Variants in NCF1 observed in about 807,000 individuals in gnomAD.
NCF1 encodes the protein neutrophil cytosolic factor 1.
A neutral mutation model predicts 34.9 loss-of-function variants in NCF1; 8 were observed. The ratio of observed to expected loss-of-function variants is 0.23; its 90% confidence interval spans 0.13 to 0.41. NCF1 has a LOEUF of 0.41. Among genes scored for constraint, NCF1 ranks in the 10% least tolerant of loss-of-function variants. NCF1 has a pLI of 1.00. For synonymous variants in NCF1, 57 were observed against 146.3 expected, an observed-to-expected ratio of 0.39 and a Z score of 4.41; for missense variants, 122 against 362.4, an observed-to-expected ratio of 0.34 and a Z score of 5.39.
At chr7:74,782,007 G>C (rs1315839242) in intron 5 of NCF1, among the ~76,000 whole-genome samples, 5 of 150,062 alleles carry the variant, frequency 3.3e-5, no homozygotes, top group Admixed American at 6.7e-5. Context: ...GAAGGCGGAT[G>C]TCAGCCAATA....
At chr7:74,777,460 C>A (rs1796493311) in intron 2 of NCF1, 113 bp downstream of exon 2, 2 of 863,622 alleles carry the variant, frequency 2.3e-6, no homozygotes, top group Non-Finnish European at 3.6e-6. Context: ...CCCTCCCAGA[C>A]CACAGTTAAA....
chr7:74,783,603 A>C lies in NCF1; in HGVS notation c.653A>C (p.Glu218Ala). Reference protein sequence around the residue: ...SFLEPLDSPDETEDPEPNYAG... With the variant: ...SFLEPLDSPDATEDPEPNYAG... ...CTCGAGCCCCTGGACAGTCCTGACG[A>C]GACGGAAGACCCTGAGCCCAACTAT... The change falls in exon 7 of 11, where the codon GAG becomes GCG. Residue 218 changes from glutamate (E) to alanine (A), a missense_variant. By Grantham distance (107) the Glu-to-Ala change is moderately radical. Transcript: ENST00000289473. 1 of 1,611,610 alleles carries C rather than the reference A, an allele frequency of 6.2e-7. No individual in the cohort carries two copies. Among genetic ancestry groups the C allele is most frequent in the Non-Finnish European group, 8.5e-7 (1 of 1,179,696 alleles).
chr7:74,788,621 C>G lies in NCF1; in HGVS notation c.968C>G (p.Ala323Gly). The change falls in exon 10 of 11, where the codon GCC becomes GGC. Residue 323 changes from alanine (A) to glycine (G), a missense_variant. Ala to Gly is a moderately conservative substitution (Grantham distance 60). Coordinates refer to ENST00000289473, the MANE Select transcript of NCF1 (RefSeq NM_000265.7). Reference sequence around the variant, plus strand: ...TCGCGGAAGCGCCTCAGCCAGGACGCCTATCGCCGCAACAGCGTCCGTTTT... The same window carrying G: ...TCGCGGAAGCGCCTCAGCCAGGACGGCTATCGCCGCAACAGCGTCCGTTTT... ...QRSRKRLSQDAYRRNSVRFLQ... is the reference protein window; with the variant it reads ...QRSRKRLSQDGYRRNSVRFLQ... 6.4e-7 allele frequency: 1 copy of G among 1,553,386 alleles called. No individual in the cohort carries two copies. The highest frequency in any genetic ancestry group is 8.7e-7 in the Non-Finnish European group (1 of 1,152,550).
At chr7:74,787,244 C>T (rs1277341844) in intron 8 of NCF1, among the ~76,000 whole-genome samples, 2 of 151,966 alleles carry the variant, frequency 1.3e-5, no homozygotes, top group Non-Finnish European at 2.9e-5. Context: ...TTGAGACCAG[C>T]CATGACCAAC....
chr7:74,777,245 C>T, intron 1 of NCF1, 22 bp from the exon 2 acceptor site: 1 of 1,611,712 alleles, frequency 6.2e-7, no homozygotes. Flanking sequence ...AATGGGGTCC[C>T]CCGACTCTGG....
intron 8 of NCF1, among the ~76,000 whole-genome samples, chr7:74,787,615 G>A (rs1362180087): frequency 6.6e-6 from 1 of 151,308 alleles, no homozygotes; most frequent in African/African-American, 2.4e-5. Flanking sequence ...TAGGGGTCTT[G>A]CTATGTTACC....
At chr7:74,787,215 A>C (rs1796690439) in intron 8 of NCF1, among the ~76,000 whole-genome samples, 1 of 152,018 alleles carries the variant, frequency 6.6e-6, no homozygotes, top group Admixed American at 6.6e-5. Context: ...AGGCAGGTGG[A>C]TCACTTGATG....
intron 1 of NCF1, among the ~76,000 whole-genome samples, chr7:74,776,002 A>C (rs1554412979): frequency 9.8e-6 from 1 of 102,460 alleles, no homozygotes; most frequent in East Asian, 3.1e-4. Context: ...GCTGGAGTGC[A>C]ATGGCACAAT....
At chr7:74,785,847 C>CA (rs1204238518) in intron 8 of NCF1, among the ~76,000 whole-genome samples, 26 of 139,064 alleles carry the variant, frequency 1.9e-4, no homozygotes, top group Non-Finnish European at 3.2e-4. Flanking sequence ...CGCGCCATTG[C>CA]ACTCCAGCCT....
In NCF1 at chr7:74,777,264, C is replaced by A. The variant is rs377305075; in HGVS notation, c.73-3C>A. 2.1e-4 allele frequency: 341 copies of A among 1,612,948 alleles called. 2 individuals carry two copies. The African/African-American group carries it at 4.1e-3, about 20-fold the overall frequency. The stretch of plus-strand genomic sequence containing the variant: ...GGGTCCCCCGACTCTGGCTTTCCCC[C>A]AGGTGTACATGTTCCTGGTGAAATG... On this transcript the variant is annotated splice_polypyrimidine_tract_variant and splice_region_variant and intron_variant, in intron 1 of 10. Transcript: ENST00000289473.
Position 74,783,040 on chromosome 7 carries a change from G to A in NCF1, c.553G>A (p.Val185Ile), listed in dbSNP as rs782450062. The A allele has an allele frequency of 2.5e-6, 4 of 1,611,384 alleles. No individual in the cohort carries two copies. In the East Asian group the frequency reaches 6.7e-5, roughly 27 times the overall value. Residue 185 changes from valine (V) to isoleucine (I), a missense_variant, in exon 6 of 11, where the codon GTC becomes ATC. This residue lies in a region of NCF1 where 57 missense variants were observed against 89.3 expected (regional missense o/e 0.64). Coordinates refer to ENST00000289473, the MANE Select transcript of NCF1 (RefSeq NM_000265.7). ...TCTGTCCACGGGGGACGTGGTGGAGGTCGTAGAGAAGAGCGAGAGCGGTCA... is the reference window on the plus strand; with the variant it reads ...TCTGTCCACGGGGGACGTGGTGGAGATCGTAGAGAAGAGCGAGAGCGGTCA... ...MALSTGDVVE[V>I]VEKSESGWWF...
At position 74,782,989 on chromosome 7, in the gene NCF1, G is replaced by A. The variant is rs142480486; in HGVS notation, c.502G>A (p.Glu168Lys). The A allele has an allele frequency of 1.3e-4, 215 of 1,611,278 alleles. 3 individuals are homozygous for A. The African/African-American group carries it at 2.7e-3, about 20-fold the overall frequency. ...LQTYRAIANY[E>K]KTSGSEMALS... ...GACGTACCGCGCCATTGCCAACTAC[G>A]AGAAGACCTCGGGCTCCGAGATGGC... is the stretch of plus-strand genomic sequence containing the variant. The change falls in exon 6 of 11, where the codon GAG (glutamate) becomes AAG (lysine). Residue 168 changes from glutamate (E) to lysine (K), a missense_variant. Coordinates refer to ENST00000289473, the MANE Select transcript of NCF1 (RefSeq NM_000265.7).
At chr7:74,777,386 T>G (rs1419657126) in intron 2 of NCF1, 39 bp downstream of exon 2, 1 of 1,460,906 alleles carries the variant, frequency 6.8e-7, no homozygotes, top group Non-Finnish European at 9.3e-7. Context: ...GACCCACCGT[T>G]CCAGCTCCAC....
chr7:74,787,646 G>C (rs1421913053), intron 8 of NCF1, among the ~76,000 whole-genome samples: 4 of 150,280 alleles, frequency 2.7e-5, no homozygotes, highest in Non-Finnish European at 4.4e-5. Context: ...TCCAACTCCT[G>C]GCCTCAAGCG....
chr7:74,782,312 G>A (rs2131604335), intron 5 of NCF1, among the ~76,000 whole-genome samples: 1 of 98,954 alleles, frequency 1.0e-5, no homozygotes, highest in South Asian at 4.0e-4. Flanking sequence ...GGTGGCGGGT[G>A]CTTGTAGTCC....
At position 74,788,562 on chromosome 7, in the gene NCF1, G is replaced by A. The variant is rs1554414879; in HGVS notation, c.909G>A (p.Ser303=). The A allele has an allele frequency of 1.9e-6, 3 of 1,545,414 alleles. No homozygotes were observed. In the South Asian group the frequency reaches 3.6e-5, roughly 18 times the overall value. The change falls in exon 10 of 11, where the codon TCG becomes TCA. Residue 303 remains serine, a synonymous_variant. Transcript: ENST00000289473. The stretch of plus-strand genomic sequence containing the variant: ...ACGCCCCGTCCCGCTGGGCCAGGTC[G>A]TCCATCCGCAACGCGCACAGCATCC... ...QIKRGAPPRR[S]SIRNAHSIHQ...
chr7:74,783,187 G>T, intron 6 of NCF1, 126 bp downstream of exon 6: 1 of 1,527,122 alleles, frequency 6.5e-7, no homozygotes, highest in Non-Finnish European at 8.9e-7. Flanking sequence ...GGCCCTAAAT[G>T]TCCTCCCCAC....
chr7:74,783,811 C>T (rs1190082222), intron 7 of NCF1, among the ~76,000 whole-genome samples, 179 bp downstream of exon 7: 1 of 152,158 alleles, frequency 6.6e-6, no homozygotes, highest in Non-Finnish European at 1.5e-5. Context: ...TTGGTCTGGA[C>T]AGGGAACCAG....
chr7:74,777,771 G>A (rs1584369476), intron 2 of NCF1: 1 of 208,464 alleles, frequency 4.8e-6, no homozygotes, highest in East Asian at 1.3e-4. Flanking sequence ...TGTTGCCCAG[G>A]CTGGTCTTGA....
Sources: allele counts gnomAD v4.1 joint callset (sites outside exome capture counted in the v4.1 genomes callset), GRCh38; gene constraint gnomAD v4.1.1; regional missense constraint gnomAD v4.1.1; transcripts MANE v1.5; gene names NCBI Gene and HGNC (gene_info 2026-07-23, HGNC 2026-07-21).